SPATA31C1: variants seen among roughly 807,000 people sequenced by gnomAD.
SPATA31C1 encodes the protein spermatogenesis-associated protein 31C1.
At chr9:87,920,623 C>T (rs748734176) in exon 5 of SPATA31C1, 4 of 1,613,724 alleles carry the variant, frequency 2.5e-6, no homozygotes, top group African/African-American at 1.3e-5. Context: ...TTCACTCCTC[C>T]TCCCCTGCGG....
Position 87,916,101 on chromosome 9 carries a change from A to G in SPATA31C1, n.189+1391A>G, listed in dbSNP as rs1165906729. Among the ~76,000 whole-genome samples, 3 of 144,012 alleles carry G rather than the reference A, an allele frequency of 2.1e-5. 1 individual carries two copies. The highest frequency in any genetic ancestry group is 7.6e-5 in the African/African-American group (3 of 39,522). The allele number at this position is 144,012 out of a possible 152,430, so 94.5% of individuals were successfully genotyped here. On this transcript the variant is annotated intron_variant and non_coding_transcript_variant, in intron 1 of 4. Transcript: ENST00000420021. ...GGGTGGTAGTGTATGGAAAATTACT[A>G]ATAGGAGGGTATCTGGCTAAACTGA...
Position 87,920,656 on chromosome 9 carries a change from C to T in SPATA31C1, n.1046C>T, listed in dbSNP as rs763990033. 1.1e-5 allele frequency: 18 copies of T among 1,613,820 alleles called. No homozygotes were observed. The African/African-American group carries it at 2.3e-4, about 20-fold the overall frequency. ...CGGGACTCCACTCTGTTAACACCAT[C>T]TCACTGTGACTCAGTGGCACTTCCA... On this transcript the variant is annotated non_coding_transcript_exon_variant, in exon 5 of 5. Coordinates refer to ENST00000420021, the Ensembl canonical transcript of SPATA31C1.
chr9:87,917,433 TA>T (rs1220349022), intron 1 of SPATA31C1: 31 of 110,734 alleles, frequency 2.8e-4, no homozygotes, highest in Admixed American at 1.8e-3. Context: ...ATAAAAAAAA[TA>T]AAAAAAAAGG....
chr9:87,915,593 G>A lies in SPATA31C1; in HGVS notation n.189+883G>A, dbSNP rs149052544. Among the ~76,000 whole-genome samples the A allele has an allele frequency of 1.4e-3, 197 of 145,446 alleles. 16 individuals carry two copies. Among genetic ancestry groups the A allele is most frequent in the African/African-American group, 4.8e-3 (192 of 39,884 alleles). On this transcript the variant is annotated intron_variant and non_coding_transcript_variant, in intron 1 of 4. Transcript: ENST00000420021. The stretch of plus-strand genomic sequence containing the variant: ...TGGGATTACAGGCATGAGCCACCGC[G>A]CCCGGCTGATCCTTTTTTTTTTAAT...
intron 1 of SPATA31C1, among the ~76,000 whole-genome samples, chr9:87,917,227 C>G (rs1203289062): frequency 2.0e-4 from 28 of 142,074 alleles, no homozygotes; most frequent in African/African-American, 6.2e-4. Context: ...CTGGCTAACA[C>G]GGTGAAACCC....
At chr9:87,920,074 G>A (rs1828810945) in intron 4 of SPATA31C1, 98 bp downstream of exon 3, 4 of 1,608,314 alleles carry the variant, frequency 2.5e-6, no homozygotes, top group Non-Finnish European at 3.4e-6. Context: ...GGGGAGACCA[G>A]GGGGACAGAG....
rs1379816670 is a variant in SPATA31C1, at chr9:87,915,619, A to G, written n.189+909A>G. On this transcript the variant is annotated intron_variant and non_coding_transcript_variant, in intron 1 of 4. Transcript: ENST00000420021. ...CCCGGCTGATCCTTTTTTTTTTAAT[A>G]AAGACATGAGGTTAGATTGAGGTTA... 1.4e-5 allele frequency among the ~76,000 whole-genome samples: 2 copies of G among 144,938 alleles called. 1 individual carries two copies. The highest frequency in any genetic ancestry group is 3.1e-5 in the Non-Finnish European group (2 of 65,236).
exon 5 of SPATA31C1, chr9:87,922,949 C>T: frequency 3.1e-6 from 5 of 1,587,338 alleles, no homozygotes; most frequent in East Asian, 2.3e-5. Context: ...CAATAAGCCA[C>T]TTTGGAGAAA....
chr9:87,922,470 C>T (rs766609384), exon 5 of SPATA31C1: 3 of 1,610,540 alleles, frequency 1.9e-6, no homozygotes, highest in Admixed American at 3.3e-5. Flanking sequence ...CCCAAGAAAG[C>T]TGTGTCTCAT....
chr9:87,921,876 G>C lies in SPATA31C1; in HGVS notation n.2266G>C, dbSNP rs1338755550. Reference sequence around the variant, plus strand: ...TCAGCAGGTGCTGGAAGCCCATATTGTGAGGTTTTGGGCCAAACACAGGTG... The same window carrying C: ...TCAGCAGGTGCTGGAAGCCCATATTCTGAGGTTTTGGGCCAAACACAGGTG... On this transcript the variant is annotated non_coding_transcript_exon_variant, in exon 5 of 5. Transcript: ENST00000420021. 3 of 1,612,050 alleles carry C rather than the reference G, an allele frequency of 1.9e-6. No homozygotes were observed. The South Asian group carries it at 3.3e-5, about 18-fold the overall frequency.
In SPATA31C1 at chr9:87,923,066, C is replaced by G. The variant is rs752080118; in HGVS notation, n.3456C>G. 28 of 1,600,918 alleles carry G rather than the reference C, an allele frequency of 1.7e-5. No individual in the cohort carries two copies. In the Middle Eastern group the frequency reaches 5.0e-4, roughly 29 times the overall value. The stretch of plus-strand genomic sequence containing the variant: ...TAAAAAACAGATCATGCGTGTACGG[C>G]AGCAGTGCTGAAGCTGAGAGGCTCA... On this transcript the variant is annotated non_coding_transcript_exon_variant, in exon 5 of 5. Transcript: ENST00000420021.
Position 87,915,555 on chromosome 9 carries a change from C to T in SPATA31C1, n.189+845C>T, listed in dbSNP as rs1435355668. ...ACTTTAGGTGATCCACCTGCCTCGG[C>T]CTCCCAAAGTGCTGGGATTACAGGC... On this transcript the variant is annotated intron_variant and non_coding_transcript_variant, in intron 1 of 4. Coordinates refer to ENST00000420021, the Ensembl canonical transcript of SPATA31C1. Among the ~76,000 whole-genome samples the T allele has an allele frequency of 1.4e-5, 2 of 145,386 alleles. 1 individual carries two copies. Among genetic ancestry groups the T allele is most frequent in the Non-Finnish European group, 3.1e-5 (2 of 65,474 alleles).
Position 87,919,265 on chromosome 9 carries a change from T to G in SPATA31C1, n.523-26T>G, listed in dbSNP as rs778917128. ...TTTCTTGTCTCCCAGCGTCATCTTG[T>G]CTCCCAGCGTCATCTTGTCTCCCAG... On this transcript the variant is annotated intron_variant and non_coding_transcript_variant, in intron 2 of 4. Transcript: ENST00000420021. 7.5e-6 allele frequency: 12 copies of G among 1,598,548 alleles called. No homozygotes were observed. In the Admixed American group the frequency reaches 8.8e-5, roughly 12 times the overall value.
exon 5 of SPATA31C1, chr9:87,921,205 C>T (rs1350845285): frequency 6.2e-7 from 1 of 1,611,976 alleles, no homozygotes; most frequent in Non-Finnish European, 8.5e-7. Flanking sequence ...AGTGTCTCCA[C>T]TCCTAACCTT....
At chr9:87,923,297 T>C in exon 5 of SPATA31C1, 1 of 1,603,602 alleles carries the variant, frequency 6.2e-7, no homozygotes, top group East Asian at 2.2e-5. Flanking sequence ...ACCAGAGTCG[T>C]CCCAACAGAG....
chr9:87,920,219 C>T (rs1481546524), intron 4 of SPATA31C1, 33 bp from the exon 4 acceptor site: 8 of 1,611,510 alleles, frequency 5.0e-6, no homozygotes, highest in Non-Finnish European at 6.8e-6. Flanking sequence ...CATCTGGCTC[C>T]TGGCTGCAGC....
exon 5 of SPATA31C1, chr9:87,920,801 T>G (rs767006741): frequency 1.0e-4 from 161 of 1,613,828 alleles, no homozygotes; most frequent in Non-Finnish European, 1.3e-4. Context: ...CGCAGGAGAC[T>G]ACCAAAACCT....
At chr9:87,920,144 G>C in intron 4 of SPATA31C1, 108 bp from the exon 4 acceptor site, 1 of 1,600,284 alleles carries the variant, frequency 6.2e-7, no homozygotes, top group Non-Finnish European at 8.5e-7. Flanking sequence ...AGGGTGTGGC[G>C]TGGTGGAGAG....
chr9:87,922,302 A>G, exon 5 of SPATA31C1: 1 of 1,611,902 alleles, frequency 6.2e-7, no homozygotes, highest in Admixed American at 1.7e-5. Context: ...CCAATCTTCA[A>G]GGGCTGGAGA....
Sources: allele counts gnomAD v4.1 joint callset (sites outside exome capture counted in the v4.1 genomes callset), GRCh38; gene constraint gnomAD v4.1.1; transcripts MANE v1.5; gene names NCBI Gene and HGNC (gene_info 2026-07-23, HGNC 2026-07-21).